Variants in SLC6A11 observed in about 807,000 individuals in gnomAD.
SLC6A11 encodes the protein solute carrier family 6 member 11.
SLC6A11 carries 25 observed loss-of-function variants against 74.8 expected under a neutral mutation model. That is an observed-to-expected ratio of 0.33 (90% CI 0.24 to 0.47). The LOEUF (loss-of-function observed/expected upper bound fraction) is 0.47, where lower values mean the gene tolerates loss of function less well. Among genes scored for constraint, SLC6A11 ranks in the 20% least tolerant of loss-of-function variants. SLC6A11 has a pLI of 1.00. For synonymous variants in SLC6A11, 330 were observed against 330.2 expected (o/e 1.00, Z 0.01); for missense variants, 574 against 837.0 (o/e 0.69, Z 3.88).
intron 8 of SLC6A11, among the ~76,000 whole-genome samples, chr3:10,923,321 C>T (rs147818105): frequency 7.6e-4 from 114 of 150,590 alleles, no homozygotes; most frequent in African/African-American, 2.6e-3. Context: ...CAAGGTGAAG[C>T]TAGAACATTT....
In SLC6A11 at chr3:10,909,432, G is replaced by A. The variant is rs371523960; in HGVS notation, c.892-2658G>A. ...TTGGGGGACGTATCTGGGGCTTGTG[G>A]GTCGAAAGCTTTCTTTGGTGTTTTC... is the stretch of plus-strand genomic sequence containing the variant. On this transcript the variant is annotated intron_variant, in intron 6 of 13. Coordinates refer to ENST00000254488, the MANE Select transcript of SLC6A11 (RefSeq NM_014229.3). Among the ~76,000 whole-genome samples the A allele has an allele frequency of 2.0e-5, 3 of 152,156 alleles. No individual in the cohort carries two copies. The East Asian group carries it at 5.8e-4, about 29-fold the overall frequency.
At chr3:10,886,807 CAAAA>C (rs200743729) in intron 6 of SLC6A11, among the ~76,000 whole-genome samples, 1 of 101,184 alleles carries the variant, frequency 9.9e-6, no homozygotes, top group African/African-American at 3.5e-5. Flanking sequence ...GACTCCATCT[CAAAA>C]AAAAAAAAAA....
intron 4 of SLC6A11, chr3:10,824,008 G>C (rs1694172075): frequency 6.5e-6 from 1 of 152,748 alleles, no homozygotes; most frequent in South Asian, 2.1e-4. Flanking sequence ...ATTATAAGTA[G>C]TACTTGTGTG....
At chr3:10,823,110 C>G (rs1000353029) in intron 3 of SLC6A11, among the ~76,000 whole-genome samples, 192 bp from the exon 4 acceptor site, 1 of 152,174 alleles carries the variant, frequency 6.6e-6, no homozygotes, top group Non-Finnish European at 1.5e-5. Context: ...ATAAACCTTT[C>G]CTCCTGTTCT....
intron 4 of SLC6A11, among the ~76,000 whole-genome samples, chr3:10,839,896 G>A (rs558143698): frequency 6.6e-6 from 1 of 152,230 alleles, no homozygotes; most frequent in African/African-American, 2.4e-5. Context: ...GCCTAGCCCT[G>A]GCTCTTCCTG....
intron 4 of SLC6A11, among the ~76,000 whole-genome samples, chr3:10,828,645 A>G (rs1449918846): frequency 2.0e-5 from 3 of 152,014 alleles, no homozygotes; most frequent in African/African-American, 4.8e-5. Flanking sequence ...TCCTTTTGCT[A>G]GAAGATTTCT....
intron 5 of SLC6A11, among the ~76,000 whole-genome samples, chr3:10,857,098 T>A (rs570813091): frequency 3.3e-5 from 5 of 152,296 alleles, no homozygotes; most frequent in Admixed American, 6.5e-5. Context: ...CTGAAGATAA[T>A]CAACATGATT....
intron 8 of SLC6A11, among the ~76,000 whole-genome samples, chr3:10,922,588 G>C (rs1695551231): frequency 6.6e-6 from 1 of 152,136 alleles, no homozygotes; most frequent in South Asian, 2.1e-4. Flanking sequence ...AAAAGGGGTG[G>C]AAAGAAGGGA....
intron 6 of SLC6A11, among the ~76,000 whole-genome samples, chr3:10,910,747 C>G (rs748845158): frequency 1.3e-5 from 2 of 151,670 alleles, no homozygotes; most frequent in Non-Finnish European, 2.9e-5. Context: ...ATTACTCAAC[C>G]TCTCTGTTCC....
At chr3:10,823,527 C>T (rs963789731) in intron 4 of SLC6A11, 135 bp downstream of exon 4, 24 of 649,804 alleles carry the variant, frequency 3.7e-5, no homozygotes, top group African/African-American at 1.4e-4. Flanking sequence ...TGTGAGCATT[C>T]GACAGCTTCG....
intron 6 of SLC6A11, among the ~76,000 whole-genome samples, chr3:10,904,598 C>T (rs1393598051): frequency 6.6e-6 from 1 of 152,184 alleles, no homozygotes; most frequent in African/African-American, 2.4e-5. Flanking sequence ...ATAGGAAGCC[C>T]TTTCTCTGCT....
At chr3:10,853,144 C>T (rs1401009810) in intron 5 of SLC6A11, among the ~76,000 whole-genome samples, 2 of 152,178 alleles carry the variant, frequency 1.3e-5, no homozygotes, top group Non-Finnish European at 2.9e-5. Context: ...ATGATTGAGT[C>T]GGGTGAGCCT....
chr3:10,841,268 T>G (rs1694433616), intron 4 of SLC6A11, among the ~76,000 whole-genome samples: 1 of 152,176 alleles, frequency 6.6e-6, no homozygotes, highest in African/African-American at 2.4e-5. Flanking sequence ...CAGACCTTTC[T>G]TCTGTCCCAG....
intron 6 of SLC6A11, among the ~76,000 whole-genome samples, chr3:10,901,870 T>C (rs113044166): frequency 1.3e-5 from 2 of 152,270 alleles, no homozygotes; most frequent in African/African-American, 4.8e-5. Context: ...CATTCACTTC[T>C]ACAAAAGCCG....
chr3:10,903,419 C>T (rs1695264780), intron 6 of SLC6A11, among the ~76,000 whole-genome samples: 1 of 152,216 alleles, frequency 6.6e-6, no homozygotes, highest in Non-Finnish European at 1.5e-5. Flanking sequence ...ACTCATCTCC[C>T]ATACCCCTCC....
intron 3 of SLC6A11, 63 bp from the exon 4 acceptor site, chr3:10,823,239 T>C: frequency 1.6e-6 from 2 of 1,264,212 alleles, no homozygotes; most frequent in African/African-American, 1.5e-5. Context: ...TCTGAATGTT[T>C]TTCAGGATTC....
chr3:10,918,486 G>C lies in SLC6A11; in HGVS notation c.1120+33G>C. 6.3e-7 allele frequency: 1 copy of C among 1,594,852 alleles called. No individual in the cohort carries two copies. Among genetic ancestry groups the C allele is most frequent in the Non-Finnish European group, 8.5e-7 (1 of 1,172,272 alleles). On this transcript the variant is annotated intron_variant, in intron 8 of 13. Transcript: ENST00000254488. The surrounding 1 kb of genome is among the most constrained non-coding windows in gnomAD (Gnocchi z 4.5). ...CGCCAAAGGTGGGGATGGAAAAGGC[G>C]GCAAGGGAGGCCAGGAGTGATGGTC... is the stretch of plus-strand genomic sequence containing the variant.
chr3:10,820,835 G>A (rs769925315), intron 3 of SLC6A11, among the ~76,000 whole-genome samples: 8 of 152,240 alleles, frequency 5.3e-5, no homozygotes, highest in Admixed American at 2.6e-4. Context: ...TGGAATTGGC[G>A]CACACACTTT....
At position 10,844,484 on chromosome 3, in the gene SLC6A11, G is replaced by A. The variant is rs570631144; in HGVS notation, c.756+138G>A. The A allele has an allele frequency of 4.6e-5, 46 of 999,084 alleles. No homozygotes were observed. The South Asian group carries it at 6.5e-4, about 14-fold the overall frequency. 61.9% of individuals were successfully genotyped at this position (999,084 alleles called of 1,614,324 possible). A position where few individuals can be genotyped will look rare whatever the true frequency, so the allele number is the denominator to read the frequency against. On this transcript the variant is annotated intron_variant, in intron 5 of 13. Transcript: ENST00000254488. ...GCGGGGAGGAACACTGGACCAGAGT[G>A]AGCTCTACCCACCCTCACCACTTAT...
Sources: allele counts gnomAD v4.1 joint callset (sites outside exome capture counted in the v4.1 genomes callset), GRCh38; gene constraint gnomAD v4.1.1; non-coding constraint Gnocchi (gnomAD v3.1); transcripts MANE v1.5; gene names NCBI Gene and HGNC (gene_info 2026-07-23, HGNC 2026-07-21).